Variants in ARID5B observed in about 807,000 individuals in gnomAD.
The protein encoded by ARID5B is AT-rich interactive domain-containing protein 5B.
A neutral mutation model predicts 97.2 loss-of-function variants in ARID5B; 13 were observed. That is an observed-to-expected ratio of 0.13 (90% CI 0.09 to 0.21). The LOEUF is 0.21. Among genes scored for constraint, ARID5B ranks in the 10% least tolerant of loss-of-function variants. The pLI is 1.00. For missense variants in ARID5B, 1,210 were observed against 1,465.3 expected (o/e 0.83, Z 2.84); for synonymous variants, 556 against 570.3 (o/e 0.97, Z 0.36).
chr10:61,976,394 G>A (rs1838698811), intron 3 of ARID5B, among the ~76,000 whole-genome samples: 1 of 152,190 alleles, frequency 6.6e-6, no homozygotes, highest in African/African-American at 2.4e-5. Context: ...TTAATTGCCA[G>A]TTTGGAAGGT....
At chr10:62,033,478 A>G (rs865908564) in intron 4 of ARID5B, among the ~76,000 whole-genome samples, 1 of 152,366 alleles carries the variant, frequency 6.6e-6, no homozygotes, top group Admixed American at 6.5e-5. Context: ...CATAGACAAC[A>G]GTTCAGGCTC....
intron 7 of ARID5B, among the ~76,000 whole-genome samples, chr10:62,066,817 G>A (rs558855552): frequency 2.7e-4 from 41 of 152,108 alleles, no homozygotes; most frequent in African/African-American, 9.2e-4. Flanking sequence ...AAATATCCCC[G>A]GCTTTCTTGC....
Position 62,092,428 on chromosome 10 carries a change from A to G in ARID5B, c.2965A>G (p.Met989Val), listed in dbSNP as rs1287061869. 1 of 1,614,226 alleles carries G rather than the reference A, an allele frequency of 6.2e-7. No homozygotes were observed. The highest frequency in any genetic ancestry group is 2.2e-5 in the East Asian group (1 of 44,890). ...TGTGAGACTGGAGAATTTCAGGAAG[A>G]TGGAAGGCATGGTCCACCCAATCCT... ...HHVRLENFRK[M>V]EGMVHPILHR... The change falls in exon 10 of 10, where the codon ATG becomes GTG. Residue 989 changes from methionine (M) to valine (V), a missense_variant. Coordinates refer to ENST00000279873, the MANE Select transcript of ARID5B (RefSeq NM_032199.3).
At chr10:62,067,429 A>C (rs1451235499) in intron 7 of ARID5B, among the ~76,000 whole-genome samples, 1 of 152,212 alleles carries the variant, frequency 6.6e-6, no homozygotes, top group East Asian at 1.9e-4. Flanking sequence ...GGTGGACTTT[A>C]TGCTTTGAGA....
chr10:62,059,390 C>A, intron 7 of ARID5B, 95 bp downstream of exon 7: 1 of 992,092 alleles, frequency 1.0e-6, no homozygotes, highest in Non-Finnish European at 1.6e-6. Flanking sequence ...CAAAACATCA[C>A]TGACTGCCTT....
chr10:62,063,055 G>T (rs1839942396), intron 7 of ARID5B, among the ~76,000 whole-genome samples: 1 of 152,112 alleles, frequency 6.6e-6, no homozygotes, highest in Admixed American at 6.5e-5. Flanking sequence ...GCAATGTTTT[G>T]GGGAAAGGAT....
intron 2 of ARID5B, among the ~76,000 whole-genome samples, chr10:61,934,695 C>T (rs1253586587): frequency 6.6e-6 from 1 of 152,048 alleles, no homozygotes; most frequent in Non-Finnish European, 1.5e-5. Flanking sequence ...TGTGGCATCT[C>T]CAAACAATTA....
intron 4 of ARID5B, chr10:62,049,340 G>T: frequency 6.5e-7 from 1 of 1,528,614 alleles, no homozygotes; most frequent in Non-Finnish European, 8.8e-7. Context: ...TAAGCAGAGC[G>T]CTGAGCCTCG....
intron 5 of ARID5B, among the ~76,000 whole-genome samples, chr10:62,056,894 C>A (rs1050145793): frequency 4.6e-5 from 7 of 152,166 alleles, no homozygotes; most frequent in African/African-American, 1.7e-4. Flanking sequence ...GACCCAGAAG[C>A]CTACAATATT....
chr10:62,030,380 C>T (rs1443290663), intron 4 of ARID5B, among the ~76,000 whole-genome samples: 1 of 152,200 alleles, frequency 6.6e-6, no homozygotes, highest in Non-Finnish European at 1.5e-5. Context: ...ATCCACCTGC[C>T]TCGGCCTCCC....
chr10:62,070,109 T>C (rs982597235), intron 8 of ARID5B, among the ~76,000 whole-genome samples: 2 of 151,984 alleles, frequency 1.3e-5, no homozygotes, highest in African/African-American at 2.4e-5. Flanking sequence ...CATGAGAACC[T>C]TTAGCTTCTG....
intron 5 of ARID5B, among the ~76,000 whole-genome samples, chr10:62,054,204 C>A (rs1273929980): frequency 6.6e-6 from 1 of 152,156 alleles, no homozygotes; most frequent in Non-Finnish European, 1.5e-5. Context: ...CTGTCACCAT[C>A]AAAAGGCTGG....
chr10:61,928,377 C>T (rs1036108713), intron 2 of ARID5B, among the ~76,000 whole-genome samples: 15 of 152,184 alleles, frequency 9.9e-5, no homozygotes, highest in Admixed American at 6.5e-4. Context: ...CATGGCTCAC[C>T]GCAGCCTCAA....
chr10:62,021,029 AATATATATATAT>A (rs10528323), intron 4 of ARID5B, among the ~76,000 whole-genome samples: 36,435 of 106,864 alleles, frequency 0.34, 6,640 homozygotes, highest in Non-Finnish European at 0.43. Flanking sequence ...TTGTCACATG[AATATATATATAT>A]ATATATATAT....
chr10:61,943,319 T>C (rs1844445169), intron 3 of ARID5B, among the ~76,000 whole-genome samples: 1 of 152,276 alleles, frequency 6.6e-6, no homozygotes, highest in East Asian at 1.9e-4. Flanking sequence ...GGTTTTCTTA[T>C]CTCCTTTTCT....
In ARID5B at chr10:62,000,784, A is replaced by C. The variant is rs767159937; in HGVS notation, c.733+463A>C. Among the ~76,000 whole-genome samples the C allele has an allele frequency of 1.3e-5, 2 of 152,184 alleles. No individual in the cohort carries two copies. Among genetic ancestry groups the C allele is most frequent in the Non-Finnish European group, 2.9e-5 (2 of 68,030 alleles). ...AACTTCAGTACTGTATGGTGGATAA[A>C]TAGATAACCACTTTAGTACTGTACA... is the stretch of plus-strand genomic sequence containing the variant. On this transcript the variant is annotated intron_variant, in intron 4 of 9. Transcript: ENST00000279873. This position sits in a 1 kb window ranked among gnomAD's most constrained non-coding sequence, Gnocchi z 4.4.
In ARID5B at chr10:62,092,244, C is replaced by T. The variant is rs183012525; in HGVS notation, c.2781C>T (p.Ser927=). 3.7e-6 allele frequency: 6 copies of T among 1,609,124 alleles called. No individual in the cohort carries two copies. The highest frequency in any genetic ancestry group is 4.5e-5 in the East Asian group (2 of 44,858). ...PTGKVLGLAH[S]TTGPQESKGI... is the part of the protein sequence containing the mutation. Reference sequence around the variant, plus strand: ...GCAAGGTCCTGGGCCTGGCTCATTCCACCACAGGGCCCCAGGAGAGCAAAG... The same window carrying T: ...GCAAGGTCCTGGGCCTGGCTCATTCTACCACAGGGCCCCAGGAGAGCAAAG... The change falls in exon 10 of 10, where the codon TCC becomes TCT. Residue 927 remains serine (S), a synonymous_variant. Transcript: ENST00000279873.
intron 4 of ARID5B, among the ~76,000 whole-genome samples, chr10:62,016,692 G>A (rs993630365): frequency 1.3e-5 from 2 of 152,164 alleles, no homozygotes; most frequent in East Asian, 1.9e-4. Context: ...CTGGCTTCTT[G>A]GCATCTGTCT....
chr10:62,041,894 A>G (rs1044026433), intron 4 of ARID5B, among the ~76,000 whole-genome samples: 1 of 152,236 alleles, frequency 6.6e-6, no homozygotes, highest in Non-Finnish European at 1.5e-5. Context: ...TGTTGCTTTC[A>G]CTTCTGTGCT....
Sources: gnomAD v4.1 joint callset for allele counts (sites outside exome capture counted in the v4.1 genomes callset) on GRCh38, gnomAD v4.1.1 for gene constraint, Gnocchi (gnomAD v3.1) non-coding constraint, MANE v1.5 for transcripts, NCBI Gene and HGNC (gene_info 2026-07-23, HGNC 2026-07-21) for gene names.